The following EHBP1 variants were observed in gnomAD, a reference collection of about 807,000 sequenced individuals.
EHBP1 encodes the protein EH domain-binding protein 1.
EHBP1 carries 55 observed loss-of-function variants against 144.0 expected under a neutral mutation model. The ratio of observed to expected loss-of-function variants is 0.38; its 90% CI spans 0.31 to 0.48. EHBP1 has a LOEUF of 0.48. EHBP1 is among the 20% of genes least tolerant of loss of function. The probability of loss-of-function intolerance (pLI) is 0.98; values close to 1 mark genes in which losing one functional copy is unlikely to be tolerated. For missense variants in EHBP1, 1,200 were observed against 1,364.2 expected (o/e 0.88, Z 1.90); for synonymous variants, 469 against 472.7 (o/e 0.99, Z 0.10).
intron 10 of EHBP1, among the ~76,000 whole-genome samples, chr2:62,926,567 T>A (rs187513308): frequency 2.0e-5 from 3 of 152,146 alleles, no homozygotes; most frequent in East Asian, 3.9e-4. Flanking sequence ...GACCAAAAAA[T>A]ATATTTTTTA....
intron 10 of EHBP1, among the ~76,000 whole-genome samples, chr2:62,928,230 G>A (rs1013656495): frequency 1.3e-5 from 2 of 152,172 alleles, no homozygotes; most frequent in Non-Finnish European, 2.9e-5. Flanking sequence ...CTGTTAGATA[G>A]TACTCTGTTT....
chr2:62,836,527 G>C (rs1242334532), intron 7 of EHBP1, among the ~76,000 whole-genome samples: 1 of 141,912 alleles, frequency 7.0e-6, no homozygotes, highest in Non-Finnish European at 1.5e-5. Context: ...GGCTTCAGAC[G>C]ATCAAATTAC....
At chr2:62,986,042 A>C (rs2059175522) in intron 15 of EHBP1, among the ~76,000 whole-genome samples, 1 of 152,190 alleles carries the variant, frequency 6.6e-6, no homozygotes, top group Non-Finnish European at 1.5e-5. Context: ...CTCTAGATTA[A>C]TTATATTCAG....
At chr2:62,813,077 G>A (rs980349412) in intron 5 of EHBP1, among the ~76,000 whole-genome samples, 7 of 152,206 alleles carry the variant, frequency 4.6e-5, no homozygotes, top group African/African-American at 9.6e-5. Flanking sequence ...CAGGCTCAGA[G>A]CTCTAGGAGG....
chr2:62,909,462 G>A (rs939143761), intron 10 of EHBP1, among the ~76,000 whole-genome samples: 3 of 152,202 alleles, frequency 2.0e-5, no homozygotes, highest in Non-Finnish European at 4.4e-5. Flanking sequence ...GGATTCAGGT[G>A]TGAGCCACCA....
At position 62,948,792 on chromosome 2, in the gene EHBP1, T is replaced by C; in HGVS notation, c.1946T>C (p.Leu649Ser). Residue 649 changes from leucine to serine, a missense_variant, in exon 13 of 23, where the codon TTA (leucine) becomes TCA (serine). Transcript: ENST00000431489. ...GATTCAACCCAAGCACAGGTTTTGT[T>C]AGGCAAAAAGAGACTATTGAAAGCT... is the stretch of plus-strand genomic sequence containing the variant. ...NTDSTQAQVL[L>S]GKKRLLKAET... 6.2e-7 allele frequency: 1 copy of C among 1,614,076 alleles called. No individual in the cohort carries two copies. The highest frequency in any genetic ancestry group is 8.5e-7 in the Non-Finnish European group (1 of 1,179,984).
At chr2:62,872,521 A>T (rs982961448) in intron 9 of EHBP1, among the ~76,000 whole-genome samples, 1 of 152,158 alleles carries the variant, frequency 6.6e-6, no homozygotes, top group Admixed American at 6.5e-5. Flanking sequence ...AGAGAAAGGG[A>T]TAAGTGTTCA....
intron 7 of EHBP1, among the ~76,000 whole-genome samples, chr2:62,844,131 C>G (rs944158459): frequency 6.6e-6 from 1 of 152,176 alleles, no homozygotes; most frequent in Non-Finnish European, 1.5e-5. Context: ...ATTGACATCT[C>G]ACGGTTATTC....
chr2:62,757,358 TA>T (rs1479131811), intron 3 of EHBP1, among the ~76,000 whole-genome samples: 3 of 151,990 alleles, frequency 2.0e-5, no homozygotes, highest in African/African-American at 7.2e-5. Context: ...TTCTAGTTTT[TA>T]CTTTGTACTA....
At chr2:62,881,439 A>G (rs2051409935) in intron 10 of EHBP1, among the ~76,000 whole-genome samples, 2 of 149,518 alleles carry the variant, frequency 1.3e-5, no homozygotes, top group South Asian at 2.1e-4. Context: ...AAAAAAAAAA[A>G]GAAGGAAAGG....
intron 10 of EHBP1, among the ~76,000 whole-genome samples, chr2:62,936,788 G>GA (rs886489183): frequency 1.9e-4 from 28 of 150,434 alleles, no homozygotes; most frequent in African/African-American, 3.2e-4. Context: ...AAAACACTTT[G>GA]AAAAAAAAAT....
chr2:62,681,594 A>T (rs2033533752), intron 1 of EHBP1, among the ~76,000 whole-genome samples: 1 of 151,914 alleles, frequency 6.6e-6, no homozygotes, highest in Non-Finnish European at 1.5e-5. Flanking sequence ...TTGACAGGCC[A>T]TTTATAGCCA....
chr2:62,733,047 G>A (rs1424070929), intron 2 of EHBP1, among the ~76,000 whole-genome samples: 1 of 152,106 alleles, frequency 6.6e-6, no homozygotes, highest in Non-Finnish European at 1.5e-5. Context: ...AATCATAGTT[G>A]TTCTAAATTT....
chr2:63,028,408 C>T (rs756153028), intron 19 of EHBP1, among the ~76,000 whole-genome samples: 1 of 151,874 alleles, frequency 6.6e-6, no homozygotes, highest in Non-Finnish European at 1.5e-5. Flanking sequence ...CTGGAGACAC[C>T]CTGGGTACGA....
chr2:62,822,013 A>G (rs1271323802), intron 5 of EHBP1, among the ~76,000 whole-genome samples: 1 of 152,134 alleles, frequency 6.6e-6, no homozygotes, highest in Non-Finnish European at 1.5e-5. Flanking sequence ...TTAAATGTAA[A>G]GTTAAATTAT....
intron 1 of EHBP1, chr2:62,674,149 T>G: frequency 4.2e-6 from 2 of 471,144 alleles, no homozygotes; most frequent in Non-Finnish European, 8.8e-6. Flanking sequence ...ATGTCTTTTC[T>G]TTGGATCTTA....
At chr2:62,748,471 TAGTG>T (rs1427065061) in intron 3 of EHBP1, among the ~76,000 whole-genome samples, 1 of 151,974 alleles carries the variant, frequency 6.6e-6, no homozygotes, top group Non-Finnish European at 1.5e-5. Context: ...CTGGGAAACA[TAGTG>T]AGACCCCATA....
In EHBP1 at chr2:62,708,766, A is replaced by G. The variant is rs550276559; in HGVS notation, c.104+1471A>G. 2.0e-4 allele frequency among the ~76,000 whole-genome samples: 31 copies of G among 152,318 alleles called. No individual in the cohort carries two copies. In the South Asian group the frequency reaches 6.2e-3, roughly 31 times the overall value. ...AAAGATTCATAGTTGTTGTCCAGGA[A>G]GCCAAGGGAGAAGACGTAAAAGACA... On this transcript the variant is annotated intron_variant, in intron 2 of 22. Transcript: ENST00000431489.
chr2:62,794,977 C>T (rs1014822664), intron 5 of EHBP1, among the ~76,000 whole-genome samples: 4 of 151,978 alleles, frequency 2.6e-5, no homozygotes, highest in Non-Finnish European at 5.9e-5. Context: ...CAAGTTGGTT[C>T]TCAGCCAAAC....
Sources: gnomAD v4.1 joint callset for allele counts (sites outside exome capture counted in the v4.1 genomes callset) on GRCh38, gnomAD v4.1.1 for gene constraint, MANE v1.5 for transcripts, NCBI Gene and HGNC (gene_info 2026-07-23, HGNC 2026-07-21) for gene names.